DNAAF4: variants seen among roughly 807,000 people sequenced by gnomAD.
The protein encoded by DNAAF4 is dynein assembly factor 4, axonemal.
Under a neutral mutation model 51.8 loss-of-function variants are expected in DNAAF4, and 43 were observed. The ratio of observed to expected loss-of-function variants is 0.83; its 90% CI spans 0.65 to 1.07. The LOEUF (loss-of-function observed/expected upper bound fraction) is 1.07. Ranked by LOEUF, DNAAF4 falls within the 50% of genes least tolerant of loss-of-function variation. DNAAF4 has a pLI of 0.00. For synonymous variants in DNAAF4, 194 were observed against 165.6 expected (o/e 1.17, Z -1.32); for missense variants, 581 against 493.0 (o/e 1.18, Z -1.69).
chr15:55,453,156 C>T lies in DNAAF4; in HGVS notation c.638-2789G>A, dbSNP rs73408864. Among the ~76,000 whole-genome samples, 799 of 152,206 alleles carry T rather than the reference C, an allele frequency of 5.2e-3. 6 individuals are homozygous for T. Among genetic ancestry groups the T allele is most frequent in the African/African-American group, 0.018 (765 of 41,526 alleles). ...ACTCTTAGTGAAAAGGATGCTTATA[C>T]GATCTCTGCTCACTAATCTTAGAAA... On this transcript the variant is annotated intron_variant, in intron 5 of 9. Transcript: ENST00000321149.
intron 4 of DNAAF4, among the ~76,000 whole-genome samples, chr15:55,489,597 C>T (rs529398023): frequency 2.3e-4 from 34 of 150,790 alleles, no homozygotes; most frequent in Admixed American, 7.3e-4. Context: ...ATCTCTTGAA[C>T]CCGAGTGGCA....
chr15:55,443,354 G>GC, intron 6 of DNAAF4: 2 of 810,090 alleles, frequency 2.5e-6, no homozygotes, highest in Non-Finnish European at 3.9e-6. Flanking sequence ...CAGCTCCTCA[G>GC]CATGGCTCAG....
chr15:55,422,527 A>C (rs2057397245), intron 7 of DNAAF4, among the ~76,000 whole-genome samples: 2 of 152,188 alleles, frequency 1.3e-5, no homozygotes, highest in Non-Finnish European at 2.9e-5. Flanking sequence ...GAGACCAAGA[A>C]GGAGTGACTA....
chr15:55,427,851 T>C (rs912367693), downstream of DNAAF4, among the ~76,000 whole-genome samples: 1 of 151,664 alleles, frequency 6.6e-6, no homozygotes, highest in Non-Finnish European at 1.5e-5. Flanking sequence ...GTCAGGCTGG[T>C]CTCGAACTCC....
intron 5 of DNAAF4, among the ~76,000 whole-genome samples, chr15:55,459,229 G>A (rs191563534): frequency 2.0e-5 from 3 of 152,020 alleles, no homozygotes; most frequent in South Asian, 4.2e-4. Flanking sequence ...ATAATTATCC[G>A]CTAAGAGTTT....
At chr15:55,493,283 A>G (rs568721616) in intron 3 of DNAAF4, among the ~76,000 whole-genome samples, 79 of 152,382 alleles carry the variant, frequency 5.2e-4, no homozygotes, top group Middle Eastern at 6.8e-3. Flanking sequence ...GTACCCAAAC[A>G]GACTAAGATA....
intron 5 of DNAAF4, among the ~76,000 whole-genome samples, chr15:55,456,169 T>A (rs1421930180): frequency 6.6e-6 from 1 of 151,150 alleles, no homozygotes; most frequent in Non-Finnish European, 1.5e-5. Context: ...AACCTCCACC[T>A]CCCTGGGTTC....
intron 4 of DNAAF4, among the ~76,000 whole-genome samples, chr15:55,489,880 T>G (rs552521145): frequency 9.7e-4 from 147 of 151,180 alleles, no homozygotes; most frequent in Non-Finnish European, 4.7e-4. Context: ...AAGAAGTTTT[T>G]TTTTTTTTTT....
At chr15:55,437,765 A>G (rs942037042) in intron 7 of DNAAF4, among the ~76,000 whole-genome samples, 1 of 152,196 alleles carries the variant, frequency 6.6e-6, no homozygotes, top group Non-Finnish European at 1.5e-5. Context: ...CAAGGAATGC[A>G]AACAGCTTAG....
chr15:55,459,710 CT>C (rs368607025), intron 5 of DNAAF4, among the ~76,000 whole-genome samples: 42 of 145,906 alleles, frequency 2.9e-4, no homozygotes, highest in South Asian at 2.1e-4. Context: ...TTCTTTCTTT[CT>C]TTTTTTTTTT....
chr15:55,431,878 A>C (rs955116915), intron 9 of DNAAF4, among the ~76,000 whole-genome samples: 8 of 151,814 alleles, frequency 5.3e-5, no homozygotes, highest in African/African-American at 1.9e-4. Flanking sequence ...CAGCCTCCCC[A>C]GTTCCTGGGA....
At chr15:55,458,259 G>A (rs2058047913) in intron 5 of DNAAF4, among the ~76,000 whole-genome samples, 1 of 152,016 alleles carries the variant, frequency 6.6e-6, no homozygotes, top group Non-Finnish European at 1.5e-5. Context: ...ACTAGAGGAA[G>A]GTGAAAATCA....
chr15:55,477,904 G>A (rs1375417386), intron 4 of DNAAF4, among the ~76,000 whole-genome samples: 5 of 144,686 alleles, frequency 3.5e-5, no homozygotes, highest in Admixed American at 6.9e-5. Context: ...TGTCTCTACT[G>A]AAAAAAAAAA....
intron 7 of DNAAF4, among the ~76,000 whole-genome samples, chr15:55,436,992 G>A (rs2141416051): frequency 6.6e-6 from 1 of 151,526 alleles, no homozygotes; most frequent in East Asian, 2.0e-4. Flanking sequence ...AGCTAATTTT[G>A]TACTTTTAGT....
chr15:55,507,921 A>G (rs2058735007), intron 1 of DNAAF4, among the ~76,000 whole-genome samples: 1 of 152,204 alleles, frequency 6.6e-6, no homozygotes, highest in Non-Finnish European at 1.5e-5. Context: ...CCCCACCACC[A>G]CCAGCAATAT....
intron 5 of DNAAF4, among the ~76,000 whole-genome samples, chr15:55,458,192 C>T (rs528940572): frequency 3.9e-5 from 6 of 152,216 alleles, no homozygotes; most frequent in Admixed American, 2.0e-4. Context: ...AAGAAGAAAT[C>T]TGTGAATTGC....
chr15:55,490,749 C>T (rs534539144), intron 4 of DNAAF4, among the ~76,000 whole-genome samples: 12 of 152,130 alleles, frequency 7.9e-5, no homozygotes, highest in East Asian at 7.8e-4. Context: ...GTCAGGAGAT[C>T]GAGACCATCC....
At chr15:55,505,649 A>AGCAAAATAGCACAAGG (rs1329048131) in intron 1 of DNAAF4, among the ~76,000 whole-genome samples, 5 of 152,208 alleles carry the variant, frequency 3.3e-5, no homozygotes, top group Non-Finnish European at 5.9e-5. Context: ...CATCACTCTC[A>AGCAAAATAGCACAAGG]GCAAAATAGC....
At chr15:55,450,099 T>C in intron 6 of DNAAF4, 123 bp downstream of exon 6, 2 of 1,118,290 alleles carry the variant, frequency 1.8e-6, no homozygotes, top group Non-Finnish European at 2.4e-6. Flanking sequence ...AACATATTCA[T>C]GACGTTATTT....
Sources: gnomAD v4.1 joint callset for allele counts (sites outside exome capture counted in the v4.1 genomes callset) on GRCh38, gnomAD v4.1.1 for gene constraint, MANE v1.5 for transcripts, NCBI Gene and HGNC (gene_info 2026-07-23, HGNC 2026-07-21) for gene names.